LRRC4C: variants seen among roughly 807,000 people sequenced by gnomAD.
The protein encoded by LRRC4C is leucine-rich repeat-containing protein 4C.
LRRC4C carries 5 observed loss-of-function variants against 33.6 expected under a neutral mutation model. That is an observed-to-expected ratio of 0.15 (90% CI 0.08 to 0.31). The LOEUF is 0.31. Among genes scored for constraint, LRRC4C ranks in the 10% least tolerant of loss-of-function variants. The pLI is 1.00. For missense variants in LRRC4C, 560 were observed against 796.7 expected (o/e 0.70, Z 3.58); for synonymous variants, 329 against 302.0 (o/e 1.09, Z -0.93).
At chr11:40,217,857 C>A (rs554920720) in intron 5 of LRRC4C, among the ~76,000 whole-genome samples, 1 of 152,046 alleles carries the variant, frequency 6.6e-6, no homozygotes, top group Admixed American at 6.6e-5. Flanking sequence ...TGAAAAATGG[C>A]AGTTCCAAAT....
At chr11:40,138,863 A>G (rs1462801575) in intron 6 of LRRC4C, among the ~76,000 whole-genome samples, 2 of 152,242 alleles carry the variant, frequency 1.3e-5, no homozygotes, top group Non-Finnish European at 2.9e-5. Flanking sequence ...AGAGCAAGCC[A>G]CAGCTGGATA....
chr11:41,181,592 G>A (rs1945453565), intron 1 of LRRC4C, among the ~76,000 whole-genome samples: 1 of 152,132 alleles, frequency 6.6e-6, no homozygotes, highest in Non-Finnish European at 1.5e-5. Context: ...TAAAGGGTGA[G>A]GATCAATTCC....
intron 3 of LRRC4C, among the ~76,000 whole-genome samples, chr11:40,609,382 T>C (rs924613936): frequency 1.3e-5 from 2 of 151,768 alleles, no homozygotes; most frequent in African/African-American, 4.8e-5. Flanking sequence ...AAACCTAATA[T>C]ACCAAAACTT....
intron 1 of LRRC4C, among the ~76,000 whole-genome samples, chr11:41,152,996 T>C (rs891759002): frequency 6.6e-6 from 1 of 152,178 alleles, no homozygotes; most frequent in Admixed American, 6.5e-5. Flanking sequence ...GAGCTTCTCA[T>C]GTCTATATGT....
Position 40,115,876 on chromosome 11 carries a change from G to T in LRRC4C, c.417C>A (p.Ile139=), listed in dbSNP as rs1565003345. ...ACAAGTATACAAAAGCTCCATTCGG[G>T]ATGGTAGTAAGACGATTGTCAAAGA... The part of the protein sequence containing the change: ...LELFDNRLTT[I]PNGAFVYLSK... Residue 139 remains isoleucine (I), a synonymous_variant, in exon 7 of 7, where the codon ATC becomes ATA. Transcript: ENST00000528697. This position sits in a 1 kb window ranked among gnomAD's most constrained non-coding sequence, Gnocchi z 6.7. 6 of 1,614,126 alleles carry T rather than the reference G, an allele frequency of 3.7e-6. No homozygotes were observed. The highest frequency in any genetic ancestry group is 5.1e-6 in the Non-Finnish European group (6 of 1,180,012).
chr11:40,350,973 C>T (rs1947356455), intron 3 of LRRC4C, among the ~76,000 whole-genome samples: 1 of 151,976 alleles, frequency 6.6e-6, no homozygotes, highest in African/African-American at 2.4e-5. Flanking sequence ...TTAGTTTTAA[C>T]AGTTTTTTTG....
At chr11:40,808,400 C>T (rs1018929469) in intron 2 of LRRC4C, among the ~76,000 whole-genome samples, 5 of 152,080 alleles carry the variant, frequency 3.3e-5, no homozygotes, top group Non-Finnish European at 7.4e-5. Context: ...CTTCCTATAC[C>T]TATTACTCAA....
At chr11:41,117,949 C>T (rs1173599317) in intron 1 of LRRC4C, among the ~76,000 whole-genome samples, 1 of 152,070 alleles carries the variant, frequency 6.6e-6, no homozygotes, top group Non-Finnish European at 1.5e-5. Flanking sequence ...CAGCTAAACT[C>T]TTCTGTGGTA....
At chr11:40,143,777 T>A (rs577173509) in intron 5 of LRRC4C, among the ~76,000 whole-genome samples, 1 of 152,190 alleles carries the variant, frequency 6.6e-6, no homozygotes, top group Non-Finnish European at 1.5e-5. Context: ...AAACTAGAGA[T>A]AACATGTACA....
At chr11:40,689,363 GA>G (rs1289523929) in intron 2 of LRRC4C, among the ~76,000 whole-genome samples, 4 of 151,744 alleles carry the variant, frequency 2.6e-5, no homozygotes, top group Non-Finnish European at 5.9e-5. Context: ...TCTTCTTCAT[GA>G]AAAAAATGGT....
chr11:41,389,901 T>C (rs1472091451), intron 1 of LRRC4C, among the ~76,000 whole-genome samples: 2 of 151,776 alleles, frequency 1.3e-5, no homozygotes, highest in African/African-American at 4.8e-5. Context: ...TACCCCAAAA[T>C]TAACATACTT....
chr11:41,040,335 G>A (rs572429638), intron 1 of LRRC4C, among the ~76,000 whole-genome samples: 2 of 152,060 alleles, frequency 1.3e-5, no homozygotes, highest in East Asian at 3.9e-4. Context: ...ATCAAGAAAC[G>A]TGGGATTAGT....
Position 40,115,487 on chromosome 11 carries a change from A to G in LRRC4C, c.806T>C (p.Leu269Pro). Residue 269 changes from leucine to proline, a missense_variant, in exon 7 of 7, where the codon CTA (leucine) becomes CCA (proline). Physicochemically the swap from Leu to Pro is moderately conservative, Grantham distance 98. Transcript: ENST00000528697. This position sits in a 1 kb window ranked among gnomAD's most constrained non-coding sequence, Gnocchi z 6.7. ...ERNAFDNLQSLVEINLAHNNL... is the reference protein window; with the variant it reads ...ERNAFDNLQSPVEINLAHNNL... ...ATTGTGTGCCAGGTTGATCTCCACT[A>G]GTGACTGAAGGTTGTCAAAGGCATT... 6.2e-7 allele frequency: 1 copy of G among 1,614,202 alleles called. No individual in the cohort carries two copies. The highest frequency in any genetic ancestry group is 8.5e-7 in the Non-Finnish European group (1 of 1,180,034).
rs1949380152 is a variant in LRRC4C, at chr11:40,392,611, C to T, written c.-269-72890G>A. ...TTTTATAATATTAAAGAAAGTGATT[C>T]CTACTATCTGATAGCTGTCATCACA... On this transcript the variant is annotated intron_variant, in intron 3 of 6. Coordinates refer to ENST00000528697, the MANE Select transcript of LRRC4C (RefSeq NM_001258419.2). Among the ~76,000 whole-genome samples, 2 of 151,926 alleles carry T rather than the reference C, an allele frequency of 1.3e-5. 1 individual carries two copies. Among genetic ancestry groups the T allele is most frequent in the South Asian group, 4.2e-4 (2 of 4,812 alleles).
chr11:41,079,932 C>T (rs72890373), intron 1 of LRRC4C, among the ~76,000 whole-genome samples: 2,946 of 152,250 alleles, frequency 0.019, 32 homozygotes, highest in Non-Finnish European at 0.029. Flanking sequence ...CAGTTCCTGA[C>T]TATCCACAGA....
chr11:41,057,463 C>T (rs1049480656), intron 1 of LRRC4C, among the ~76,000 whole-genome samples: 2 of 152,198 alleles, frequency 1.3e-5, no homozygotes, highest in South Asian at 2.1e-4. Context: ...TGGAAGGGGG[C>T]GGGCCCCCTA....
At chr11:41,449,224 C>G (rs1157337040) in intron 1 of LRRC4C, among the ~76,000 whole-genome samples, 1 of 152,120 alleles carries the variant, frequency 6.6e-6, no homozygotes, top group Non-Finnish European at 1.5e-5. Context: ...GGTTTGAAGA[C>G]ATCGTCAAAA....
chr11:40,763,398 G>A (rs1230771531), intron 2 of LRRC4C, among the ~76,000 whole-genome samples: 2 of 152,040 alleles, frequency 1.3e-5, no homozygotes, highest in African/African-American at 4.8e-5. Context: ...AGAGCAAGAT[G>A]GCTGAATAGA....
chr11:40,897,023 T>C (rs4130984), intron 2 of LRRC4C, among the ~76,000 whole-genome samples: 115,387 of 152,132 alleles, frequency 0.76, 46,302 homozygotes, highest in Non-Finnish European at 0.89. Context: ...AGGAAATATT[T>C]AGTAATGAAA....
Sources: gnomAD v4.1 joint callset for allele counts (sites outside exome capture counted in the v4.1 genomes callset) on GRCh38, gnomAD v4.1.1 for gene constraint, Gnocchi (gnomAD v3.1) non-coding constraint, MANE v1.5 for transcripts, NCBI Gene and HGNC (gene_info 2026-07-23, HGNC 2026-07-21) for gene names.